CCDC170: variants seen among roughly 807,000 people sequenced by gnomAD.
The protein encoded by CCDC170 is coiled-coil domain-containing protein 170.
In CCDC170, 69 loss-of-function variants were observed where a neutral mutation model predicts 72.6. That is an observed-to-expected ratio of 0.95 (90% confidence interval 0.78 to 1.16). The LOEUF (loss-of-function observed/expected upper bound fraction) is 1.16, where lower values mean the gene tolerates loss of function less well. Ranked by LOEUF, CCDC170 falls within the 50% of genes most tolerant of loss-of-function variation. The pLI is 0.00. For synonymous variants in CCDC170, 300 were observed against 303.9 expected (o/e 0.99, Z 0.13); for missense variants, 852 against 832.5 (o/e 1.02, Z -0.29).
chr6:151,504,686 G>T (rs1264675032), intron 1 of CCDC170, among the ~76,000 whole-genome samples: 2 of 151,924 alleles, frequency 1.3e-5, no homozygotes, highest in Non-Finnish European at 2.9e-5. Context: ...TGATGGTCAG[G>T]GGGTAATGCT....
At chr6:151,538,385 G>A in intron 3 of CCDC170, 84 bp downstream of exon 3, 2 of 1,339,942 alleles carry the variant, frequency 1.5e-6, no homozygotes, top group South Asian at 1.4e-5. Context: ...TGAAAGTACT[G>A]GCATTTTGCA....
intron 6 of CCDC170, among the ~76,000 whole-genome samples, chr6:151,584,199 G>A (rs1776418631): frequency 6.6e-6 from 1 of 152,230 alleles, no homozygotes; most frequent in South Asian, 2.1e-4. Context: ...AAAGTGAGAT[G>A]TGCCTGTAGT....
chr6:151,601,977 C>G (rs997121645), intron 9 of CCDC170, among the ~76,000 whole-genome samples: 2 of 152,198 alleles, frequency 1.3e-5, no homozygotes, highest in African/African-American at 4.8e-5. Flanking sequence ...GTTGTCCATT[C>G]AGCATTTGAT....
chr6:151,606,049 G>A (rs899737872), intron 9 of CCDC170, among the ~76,000 whole-genome samples: 2 of 151,736 alleles, frequency 1.3e-5, no homozygotes, highest in Non-Finnish European at 2.9e-5. Flanking sequence ...TTACAGGTAC[G>A]TGCCATTACG....
intron 8 of CCDC170, among the ~76,000 whole-genome samples, chr6:151,595,620 A>G (rs542576321): frequency 3.7e-4 from 57 of 152,262 alleles, no homozygotes; most frequent in Non-Finnish European, 4.9e-4. Context: ...GTTCAAGGCC[A>G]GCCAAGGCAA....
rs1582996310 is a variant in CCDC170 at position 151,494,595 on chromosome 6, G to C, written c.57+410G>C. Among the ~76,000 whole-genome samples, 4 of 152,352 alleles carry C rather than the reference G, an allele frequency of 2.6e-5. No homozygotes were observed. In the South Asian group the frequency reaches 8.3e-4, roughly 32 times the overall value. The stretch of plus-strand genomic sequence containing the variant: ...GCAGGAGGAGGGCCAGCCCGGAGTA[G>C]AGTCACCGGCCCTTTCGTTGCGAAG... On this transcript the variant is annotated intron_variant, in intron 1 of 10. Coordinates refer to ENST00000239374, the MANE Select transcript of CCDC170 (RefSeq NM_025059.4).
chr6:151,571,334 A>G (rs1278055075), intron 5 of CCDC170, among the ~76,000 whole-genome samples: 1 of 123,600 alleles, frequency 8.1e-6, no homozygotes, highest in African/African-American at 3.1e-5. Context: ...TTTTTTTTTT[A>G]CCAGTTAACT....
chr6:151,596,655 T>C lies in CCDC170; in HGVS notation c.1710+78T>C, dbSNP rs1302021560. ...TTTATGCAAAAGAATGACAGCTTTA[T>C]CGGGACACGCCAGAAGAAGAAAGAT... On this transcript the variant is annotated intron_variant, in intron 9 of 10. Transcript: ENST00000239374. 3 of 1,561,670 alleles carry C rather than the reference T, an allele frequency of 1.9e-6. No individual in the cohort carries two copies. The South Asian group carries it at 3.7e-5, about 19-fold the overall frequency.
At chr6:151,537,708 T>A (rs904032853) in intron 2 of CCDC170, among the ~76,000 whole-genome samples, 9 of 152,212 alleles carry the variant, frequency 5.9e-5, no homozygotes, top group African/African-American at 2.2e-4. Context: ...GTCTGACTGT[T>A]TATCAGCAGC....
chr6:151,535,590 G>A (rs990784973), intron 1 of CCDC170, among the ~76,000 whole-genome samples: 1 of 152,198 alleles, frequency 6.6e-6, no homozygotes, highest in African/African-American at 2.4e-5. Context: ...GAAATGAGCT[G>A]ATCATCTTTG....
chr6:151,589,228 C>T (rs1173312218), intron 7 of CCDC170, among the ~76,000 whole-genome samples: 1 of 151,654 alleles, frequency 6.6e-6, no homozygotes, highest in Non-Finnish European at 1.5e-5. Flanking sequence ...GTACTCCAGC[C>T]TGGGTGACAG....
At chr6:151,550,236 A>G (rs1051369000) in intron 5 of CCDC170, among the ~76,000 whole-genome samples, 8 of 152,226 alleles carry the variant, frequency 5.3e-5, no homozygotes, top group African/African-American at 1.7e-4. Flanking sequence ...ATAAAAGTAC[A>G]TAGGAAAAAA....
At chr6:151,533,208 C>T (rs1013474378) in intron 1 of CCDC170, among the ~76,000 whole-genome samples, 13 of 151,804 alleles carry the variant, frequency 8.6e-5, no homozygotes, top group Non-Finnish European at 8.8e-5. Context: ...CGCCCGCCAC[C>T]ACACCCGGCT....
At chr6:151,517,395 T>G (rs1782251184) in intron 1 of CCDC170, among the ~76,000 whole-genome samples, 1 of 151,512 alleles carries the variant, frequency 6.6e-6, no homozygotes. Context: ...AAAACCTTAC[T>G]GAGGACTCCC....
At chr6:151,536,540 G>A in intron 2 of CCDC170, 94 bp downstream of exon 2, 1 of 1,389,168 alleles carries the variant, frequency 7.2e-7, no homozygotes. Flanking sequence ...ACTTTGGGAG[G>A]CTGAGGCAGG....
intron 1 of CCDC170, among the ~76,000 whole-genome samples, chr6:151,531,092 T>C (rs1288029226): frequency 2.0e-5 from 3 of 152,236 alleles, no homozygotes; most frequent in African/African-American, 7.2e-5. Flanking sequence ...GCTTAGAAAG[T>C]CGGCTATGGC....
chr6:151,517,417 A>G (rs1583006042), intron 1 of CCDC170, among the ~76,000 whole-genome samples: 1 of 151,442 alleles, frequency 6.6e-6, no homozygotes, highest in Non-Finnish European at 1.5e-5. Context: ...TACCCTTACT[A>G]ATGATTTCTT....
rs1348980224 is a variant in CCDC170 at position 151,596,379 on chromosome 6, G to A, written c.1512G>A (p.Met504Ile). 1.2e-6 allele frequency: 2 copies of A among 1,614,096 alleles called. No individual in the cohort carries two copies. Among genetic ancestry groups the A allele is most frequent in the Admixed American group, 1.7e-5 (1 of 60,016 alleles). The change falls in exon 9 of 11, where the codon ATG becomes ATA. Residue 504 changes from methionine (M) to isoleucine (I), a missense_variant. By Grantham distance (10) the Met-to-Ile change is conservative. Transcript: ENST00000239374. Reference protein sequence around the residue: ...KERLESKELHMSLLRQKIAQL... With the variant: ...KERLESKELHISLLRQKIAQL... ...GACTGGAGAGCAAAGAATTACACAT[G>A]AGCCTCCTCCGGCAGAAAATAGCCC...
At chr6:151,557,027 T>G (rs1019816322) in intron 5 of CCDC170, among the ~76,000 whole-genome samples, 1 of 152,174 alleles carries the variant, frequency 6.6e-6, no homozygotes, top group African/African-American at 2.4e-5. Flanking sequence ...CATAATGACC[T>G]CTCATTCCAT....
Sources: allele counts gnomAD v4.1 joint callset (sites outside exome capture counted in the v4.1 genomes callset), GRCh38; gene constraint gnomAD v4.1.1; transcripts MANE v1.5; gene names NCBI Gene and HGNC (gene_info 2026-07-23, HGNC 2026-07-21).